The following NDST3 variants were observed in gnomAD, a reference collection of about 807,000 sequenced individuals.
NDST3 encodes N-deacetylase and N-sulfotransferase 3.
A neutral mutation model predicts 96.1 loss-of-function variants in NDST3; 58 were observed. That is an observed-to-expected ratio of 0.60 (90% confidence interval 0.49 to 0.75). The LOEUF (loss-of-function observed/expected upper bound fraction) is 0.75. Among genes scored for constraint, NDST3 ranks in the 30% least tolerant of loss-of-function variants. The pLI is 0.00. For missense variants in NDST3, 788 were observed against 1,034.2 expected (o/e 0.76, Z 3.27); for synonymous variants, 333 against 359.7 (o/e 0.93, Z 0.84).
At chr4:118,206,491 T>C (rs963899341) in intron 6 of NDST3, among the ~76,000 whole-genome samples, 1 of 144,404 alleles carries the variant, frequency 6.9e-6, no homozygotes, top group Non-Finnish European at 1.5e-5. Context: ...ATTCAATTTA[T>C]CTGGAATATA....
At chr4:118,161,514 G>A (rs567850065) in intron 6 of NDST3, among the ~76,000 whole-genome samples, 1 of 152,300 alleles carries the variant, frequency 6.6e-6, no homozygotes, top group South Asian at 2.1e-4. Flanking sequence ...TTGAGCTGTG[G>A]TGGGCTCCAC....
At chr4:118,251,674 T>C (rs554583487) in intron 12 of NDST3, among the ~76,000 whole-genome samples, 2 of 152,346 alleles carry the variant, frequency 1.3e-5, no homozygotes, top group East Asian at 3.9e-4. Flanking sequence ...GCCAACACCA[T>C]ACAATCTTCA....
chr4:118,172,478 T>A (rs1343721167), intron 6 of NDST3, among the ~76,000 whole-genome samples: 1 of 152,172 alleles, frequency 6.6e-6, no homozygotes, highest in East Asian at 1.9e-4. Context: ...GACTTAAAAA[T>A]TTATGCTTAT....
At chr4:118,057,245 TTGA>T (rs1384402138) in intron 2 of NDST3, among the ~76,000 whole-genome samples, 1 of 152,066 alleles carries the variant, frequency 6.6e-6, no homozygotes, top group Non-Finnish European at 1.5e-5. Context: ...TTGATAATTG[TTGA>T]TGATGTGAAC....
intron 2 of NDST3, among the ~76,000 whole-genome samples, chr4:118,088,317 T>G (rs192730492): frequency 2.2e-4 from 33 of 152,218 alleles, no homozygotes; most frequent in African/African-American, 7.5e-4. Context: ...TAATTTTCTG[T>G]GACTAAAACT....
rs1038440456 is a variant in NDST3 at position 118,205,977 on chromosome 4, A to G, written c.1540-18514A>G. ...CCTCCCGAGTAGCTGGGATTACAGA[A>G]GCCCGCCACCACGCCCAGCTAATTT... On this transcript the variant is annotated intron_variant, in intron 6 of 13. Coordinates refer to ENST00000296499, the MANE Select transcript of NDST3 (RefSeq NM_004784.3). 2.2e-4 allele frequency among the ~76,000 whole-genome samples: 31 copies of G among 142,572 alleles called. 1 individual carries two copies. Among genetic ancestry groups the G allele is most frequent in the African/African-American group, 6.8e-4 (26 of 38,508 alleles). 93.5% of individuals were successfully genotyped at this position (142,572 alleles called of 152,430 possible). A position where few individuals can be genotyped will look rare whatever the true frequency, so the allele number is the denominator to read the frequency against.
upstream of NDST3, chr4:118,034,330 G>A (rs562241225): frequency 6.6e-6 from 1 of 152,274 alleles, no homozygotes; most frequent in African/African-American, 2.4e-5. Context: ...GTCTTCCCCC[G>A]AAGTGGTACC....
intron 1 of NDST3, among the ~76,000 whole-genome samples, chr4:118,048,725 G>T (rs1183850247): frequency 6.6e-6 from 1 of 151,996 alleles, no homozygotes; most frequent in African/African-American, 2.4e-5. Flanking sequence ...CTAGATTCAT[G>T]AAACAAATTC....
intron 6 of NDST3, among the ~76,000 whole-genome samples, chr4:118,169,288 AG>A (rs1453516935): frequency 1.3e-5 from 2 of 152,210 alleles, no homozygotes; most frequent in African/African-American, 4.8e-5. Flanking sequence ...AAAAATAGGA[AG>A]AAAGAGGATT....
intron 6 of NDST3, among the ~76,000 whole-genome samples, chr4:118,221,601 A>G (rs895966480): frequency 6.6e-6 from 1 of 152,030 alleles, no homozygotes; most frequent in African/African-American, 2.4e-5. Flanking sequence ...AAGTATAGAT[A>G]AAGCTTCCCA....
At chr4:118,224,772 G>A (rs1172457789) in intron 7 of NDST3, 99 bp downstream of exon 7, 6 of 1,059,952 alleles carry the variant, frequency 5.7e-6, no homozygotes, top group Non-Finnish European at 7.9e-6. Context: ...GAAAAAACCT[G>A]CATTTTGGAA....
intron 9 of NDST3, among the ~76,000 whole-genome samples, 178 bp from the exon 10 acceptor site, chr4:118,236,868 C>T (rs998360286): frequency 2.0e-5 from 3 of 152,110 alleles, no homozygotes; most frequent in Non-Finnish European, 4.4e-5. Flanking sequence ...AAACATCTTC[C>T]AAACACATTA....
At chr4:118,033,682 C>A (rs1723997418), upstream of NDST3, 1 of 151,788 alleles carries the variant, frequency 6.6e-6, no homozygotes, top group Non-Finnish European at 1.5e-5. Flanking sequence ...CAGGAGTCCC[C>A]GGCGCACCCG....
chr4:118,226,785 C>A, intron 7 of NDST3, 101 bp from the exon 8 acceptor site: 3 of 773,902 alleles, frequency 3.9e-6, no homozygotes, highest in South Asian at 1.8e-5. Context: ...TTTATCCCAG[C>A]GTTTCCTGGT....
At chr4:118,106,556 C>A (rs988192489) in intron 3 of NDST3, among the ~76,000 whole-genome samples, 1 of 151,552 alleles carries the variant, frequency 6.6e-6, no homozygotes, top group African/African-American at 2.4e-5. Context: ...CCTAGGCTGG[C>A]AATGTATAAA....
intron 1 of NDST3, among the ~76,000 whole-genome samples, chr4:118,045,269 C>T (rs1724697339): frequency 6.6e-6 from 1 of 152,112 alleles, no homozygotes; most frequent in African/African-American, 2.4e-5. Context: ...AGTACAGCCT[C>T]ACCACCCCCT....
intron 2 of NDST3, among the ~76,000 whole-genome samples, chr4:118,087,314 T>A (rs2892788): frequency 0.75 from 114,474 of 152,076 alleles, 45,752 homozygotes; most frequent in South Asian, 0.92. Context: ...TTACATATCA[T>A]CTCATTTGAG....
At chr4:118,231,207 G>A (rs549183994) in intron 8 of NDST3, among the ~76,000 whole-genome samples, 30 of 151,830 alleles carry the variant, frequency 2.0e-4, no homozygotes, top group Middle Eastern at 6.8e-3. Context: ...ATGGTGGCAG[G>A]TGCCTGTAAT....
At chr4:118,250,184 T>C (rs1369767600) in intron 12 of NDST3, among the ~76,000 whole-genome samples, 1 of 152,246 alleles carries the variant, frequency 6.6e-6, no homozygotes, top group Admixed American at 6.5e-5. Flanking sequence ...GGACATACAT[T>C]TGCATTGCAT....
Sources: allele counts gnomAD v4.1 joint callset (sites outside exome capture counted in the v4.1 genomes callset), GRCh38; gene constraint gnomAD v4.1.1; transcripts MANE v1.5; gene names NCBI Gene and HGNC (gene_info 2026-07-23, HGNC 2026-07-21).